Variants in KCTD10 observed in about 807,000 individuals in gnomAD.
KCTD10 encodes potassium channel tetramerization domain containing 10, also known as BTB/POZ domain-containing adapter for CUL3-mediated RhoA degradation protein 3.
A neutral mutation model predicts 34.6 loss-of-function variants in KCTD10; 13 were observed. That is an observed-to-expected ratio of 0.38 (90% confidence interval 0.24 to 0.60). KCTD10 has a LOEUF of 0.60. KCTD10 is among the 20% of genes least tolerant of loss of function. The probability of loss-of-function intolerance (pLI) is 0.66; values close to 1 mark genes in which losing one functional copy is unlikely to be tolerated. For synonymous variants in KCTD10, 156 were observed against 168.8 expected (o/e 0.92, Z 0.59); for missense variants, 256 against 420.3 (o/e 0.61, Z 3.42).
At chr12:109,461,244 A>C (rs1213483075) in intron 2 of KCTD10, among the ~76,000 whole-genome samples, 1 of 152,220 alleles carries the variant, frequency 6.6e-6, no homozygotes, top group African/African-American at 2.4e-5. Flanking sequence ...AAACTGTCAC[A>C]TTAACAGAGC....
At chr12:109,476,998 G>GT (rs938259980) in intron 1 of KCTD10, among the ~76,000 whole-genome samples, 1 of 151,878 alleles carries the variant, frequency 6.6e-6, no homozygotes, top group Non-Finnish European at 1.5e-5. Context: ...ACGCACACAC[G>GT]TATCTACTCC....
intron 5 of KCTD10, chr12:109,456,600 G>C (rs1178770599): frequency 2.2e-6 from 1 of 445,920 alleles, no homozygotes. Context: ...TTGTGCTTGA[G>C]TGACAGCCTC....
chr12:109,460,817 G>A lies in KCTD10; in HGVS notation c.218-12C>T, dbSNP rs201000715. On this transcript the variant is annotated splice_polypyrimidine_tract_variant and intron_variant, in intron 2 of 6. Coordinates refer to ENST00000228495, the MANE Select transcript of KCTD10 (RefSeq NM_031954.5). The surrounding 1 kb of genome is among the most constrained non-coding windows in gnomAD (Gnocchi z 4.5). ...AATGAGGATCCAGCCTGCAGAGGGAGGAGGCAGGGGCTGGTTACATGGGCC... is the reference window on the plus strand; with the variant it reads ...AATGAGGATCCAGCCTGCAGAGGGAAGAGGCAGGGGCTGGTTACATGGGCC... 3 of 1,613,172 alleles carry A rather than the reference G, an allele frequency of 1.9e-6. No homozygotes were observed. The highest frequency in any genetic ancestry group is 2.5e-6 in the Non-Finnish European group (3 of 1,179,370).
Position 109,451,025 on chromosome 12 carries a change from T to G in KCTD10, c.*570A>C, listed in dbSNP as rs1311650310. On this transcript the variant is annotated 3_prime_UTR_variant, in exon 7 of 7. Coordinates refer to ENST00000228495, the MANE Select transcript of KCTD10 (RefSeq NM_031954.5). The surrounding 1 kb of genome is among the most constrained non-coding windows in gnomAD (Gnocchi z 5.0). Reference sequence around the variant, plus strand: ...ACAAGCTGCAATTATCAACAAGCTCTAGGCCCAAAGCCACATGGCAGAAAG... The same window carrying G: ...ACAAGCTGCAATTATCAACAAGCTCGAGGCCCAAAGCCACATGGCAGAAAG... 1 of 152,704 alleles carries G rather than the reference T, an allele frequency of 6.5e-6. No individual in the cohort carries two copies. The highest frequency in any genetic ancestry group is 1.5e-5 in the Non-Finnish European group (1 of 68,434). 9.5% of individuals were successfully genotyped at this position (152,704 alleles called of 1,614,324 possible). A position where few individuals can be genotyped will look rare whatever the true frequency, so the allele number is the denominator to read the frequency against.
At chr12:109,457,833 A>T in intron 4 of KCTD10, 151 bp from the exon 5 acceptor site, 1 of 996,844 alleles carries the variant, frequency 1.0e-6, no homozygotes, top group East Asian at 2.4e-5. Flanking sequence ...ACATGACCCA[A>T]TAGCAGGGGC....
At chr12:109,464,730 G>C (rs550012828) in intron 2 of KCTD10, 3 of 427,160 alleles carry the variant, frequency 7.0e-6, no homozygotes, top group Non-Finnish European at 1.4e-5. Flanking sequence ...CATGCTCAAC[G>C]TACCAGACAT....
chr12:109,469,770 T>C, intron 1 of KCTD10, 42 bp from the exon 2 acceptor site: 1 of 1,607,020 alleles, frequency 6.2e-7, no homozygotes, highest in Non-Finnish European at 8.5e-7. Flanking sequence ...TCAGGCCTGG[T>C]TGACTGCTTT....
At chr12:109,454,862 T>C (rs1246132797) in intron 6 of KCTD10, among the ~76,000 whole-genome samples, 1 of 152,174 alleles carries the variant, frequency 6.6e-6, no homozygotes, top group Non-Finnish European at 1.5e-5. Context: ...GACCATGTGG[T>C]CTCTAAATCC....
intron 3 of KCTD10, 180 bp from the exon 4 acceptor site, chr12:109,458,258 T>G: frequency 1.7e-6 from 1 of 590,862 alleles, no homozygotes; most frequent in Admixed American, 2.9e-5. Flanking sequence ...TCCCAGTAAG[T>G]CTGCTCTTTG....
intron 3 of KCTD10, chr12:109,458,474 G>A (rs956958209): frequency 4.4e-5 from 7 of 160,656 alleles, no homozygotes; most frequent in Admixed American, 3.7e-4. Context: ...AATGGGAGAA[G>A]TGAGGTCAGC....
At chr12:109,472,445 G>A (rs147052646) in intron 1 of KCTD10, among the ~76,000 whole-genome samples, 8 of 151,774 alleles carry the variant, frequency 5.3e-5, no homozygotes, top group Non-Finnish European at 8.8e-5. Flanking sequence ...GTCATCTCCC[G>A]TAAGAATCCC....
chr12:109,474,338 G>A (rs144418618), intron 1 of KCTD10, among the ~76,000 whole-genome samples: 57 of 152,268 alleles, frequency 3.7e-4, no homozygotes, highest in African/African-American at 1.2e-3. Context: ...TTGAGATACT[G>A]GCTACGGATC....
intron 2 of KCTD10, among the ~76,000 whole-genome samples, chr12:109,463,732 T>C (rs937971884): frequency 1.3e-5 from 2 of 152,178 alleles, no homozygotes; most frequent in African/African-American, 2.4e-5. Context: ...CTGGATGACA[T>C]TGGTGCTTCA....
At chr12:109,457,434 G>T in intron 5 of KCTD10, 196 bp downstream of exon 5, 1 of 581,210 alleles carries the variant, frequency 1.7e-6, no homozygotes, top group South Asian at 2.3e-5. Context: ...GTACACTCTA[G>T]AAAGATGACT....
At position 109,470,480 on chromosome 12, in the gene KCTD10, G is replaced by A. The variant is rs866639160; in HGVS notation, c.4-752C>T. On this transcript the variant is annotated intron_variant, in intron 1 of 6. Transcript: ENST00000228495. The stretch of plus-strand genomic sequence containing the variant: ...GAAATGGATACAGTGGCTGATTTAC[G>A]CAGGCCTGGAAAGTGAGATTGGTAT... 49 of 985,466 alleles carry A rather than the reference G, an allele frequency of 5.0e-5. No homozygotes were observed. In the South Asian group the frequency reaches 1.7e-3, roughly 34 times the overall value. The allele number at this position is 985,466 out of a possible 1,614,324, so 61.0% of individuals were successfully genotyped here.
chr12:109,458,199 G>A (rs12227283), intron 3 of KCTD10, 121 bp from the exon 4 acceptor site: 11,221 of 696,148 alleles, frequency 0.016, 326 homozygotes, highest in Admixed American at 0.082. Flanking sequence ...GAAGAGAGAA[G>A]GATTCTCACC....
Position 109,469,739 on chromosome 12 carries a change from A to G in KCTD10, c.4-11T>C. 1.9e-6 allele frequency: 3 copies of G among 1,614,000 alleles called. No individual in the cohort carries two copies. Among genetic ancestry groups the G allele is most frequent in the Non-Finnish European group, 2.5e-6 (3 of 1,179,962 alleles). ...TCCTGACATCTCTTCCTGCCAGTGG[A>G]GAGGATACAGGGTCATGACATCAGG... On this transcript the variant is annotated splice_polypyrimidine_tract_variant and intron_variant, in intron 1 of 6. Transcript: ENST00000228495.
At chr12:109,462,009 G>C (rs1329639269) in intron 2 of KCTD10, among the ~76,000 whole-genome samples, 1 of 146,524 alleles carries the variant, frequency 6.8e-6, no homozygotes, top group Non-Finnish European at 1.5e-5. Flanking sequence ...GCTGTGCCCT[G>C]TTCCACGTCC....
chr12:109,460,519 A>T lies in KCTD10; in HGVS notation c.387+117T>A, dbSNP rs1257116269. On this transcript the variant is annotated intron_variant, in intron 3 of 6. Coordinates refer to ENST00000228495, the MANE Select transcript of KCTD10 (RefSeq NM_031954.5). The surrounding 1 kb of genome is among the most constrained non-coding windows in gnomAD (Gnocchi z 4.5). The stretch of plus-strand genomic sequence containing the variant: ...ATCGGGCTCCAGGGCAAACTCATTA[A>T]CTCTCACAACATCTCAGTCAGACAG... The T allele has an allele frequency of 8.6e-7, 1 of 1,162,008 alleles. No homozygotes were observed. Among genetic ancestry groups the T allele is most frequent in the Non-Finnish European group, 1.2e-6 (1 of 814,538 alleles). 72.0% of individuals were successfully genotyped at this position (1,162,008 alleles called of 1,614,324 possible). A position where few individuals can be genotyped will look rare whatever the true frequency, so the allele number is the denominator to read the frequency against.
Sources: allele counts gnomAD v4.1 joint callset (sites outside exome capture counted in the v4.1 genomes callset), GRCh38; gene constraint gnomAD v4.1.1; non-coding constraint Gnocchi (gnomAD v3.1); transcripts MANE v1.5; gene names NCBI Gene and HGNC (gene_info 2026-07-23, HGNC 2026-07-21).